The following MACROD1 variants were observed in gnomAD, a reference collection of about 807,000 sequenced individuals.
The protein encoded by MACROD1 is ADP-ribose glycohydrolase MACROD1.
In MACROD1, 31 loss-of-function variants were observed where a neutral mutation model predicts 41.4. The ratio of observed to expected loss-of-function variants is 0.75; its 90% CI spans 0.56 to 1.01. The LOEUF (loss-of-function observed/expected upper bound fraction) is 1.01, where lower values mean the gene tolerates loss of function less well. Ranked by LOEUF, MACROD1 falls within the 50% of genes least tolerant of loss-of-function variation. MACROD1 has a pLI of 0.00. For synonymous variants in MACROD1, 252 were observed against 203.4 expected (o/e 1.24, Z -2.03); for missense variants, 473 against 460.0 (o/e 1.03, Z -0.26).
At chr11:64,121,240 G>GC (rs962356143) in intron 3 of MACROD1, among the ~76,000 whole-genome samples, 1 of 152,186 alleles carries the variant, frequency 6.6e-6, no homozygotes, top group Non-Finnish European at 1.5e-5. Flanking sequence ...AGCTCCTTGG[G>GC]CCCCAGGACC....
chr11:64,032,419 CG>C (rs767503739), intron 3 of MACROD1, among the ~76,000 whole-genome samples: 28 of 152,044 alleles, frequency 1.8e-4, no homozygotes, highest in Non-Finnish European at 2.5e-4. Context: ...TGCAGGATGG[CG>C]AGCAGGACCC....
chr11:64,071,447 G>A (rs761825217), intron 3 of MACROD1, among the ~76,000 whole-genome samples: 3 of 152,184 alleles, frequency 2.0e-5, no homozygotes, highest in Non-Finnish European at 4.4e-5. Flanking sequence ...TAACTGGTAT[G>A]GCCAGGGCTG....
chr11:64,145,687 A>G (rs1334243782), intron 3 of MACROD1, among the ~76,000 whole-genome samples: 3 of 152,144 alleles, frequency 2.0e-5, no homozygotes, highest in African/African-American at 7.2e-5. Flanking sequence ...AAAGCCTTTC[A>G]TCCATCTCTG....
chr11:64,156,448 C>T (rs889265865), intron 1 of MACROD1, among the ~76,000 whole-genome samples: 6 of 152,244 alleles, frequency 3.9e-5, no homozygotes, highest in Admixed American at 3.3e-4. Context: ...GGGACCCGGA[C>T]GGACCCCAGA....
chr11:64,160,019 G>A (rs781286281), intron 1 of MACROD1, among the ~76,000 whole-genome samples: 27 of 152,134 alleles, frequency 1.8e-4, no homozygotes, highest in Non-Finnish European at 3.7e-4. Context: ...GAATTTGGCC[G>A]TCAGCTTGGA....
At chr11:64,093,799 G>T (rs1290162008) in intron 3 of MACROD1, among the ~76,000 whole-genome samples, 1 of 152,218 alleles carries the variant, frequency 6.6e-6, no homozygotes, top group Non-Finnish European at 1.5e-5. Flanking sequence ...GCCTGGCCAG[G>T]GTGGAAGGAG....
intron 3 of MACROD1, among the ~76,000 whole-genome samples, chr11:64,102,133 T>C (rs1944681277): frequency 6.6e-6 from 1 of 152,244 alleles, no homozygotes; most frequent in African/African-American, 2.4e-5. Context: ...TGAGCCCATC[T>C]GGATCTGATT....
rs374070037 is a variant in MACROD1 at position 64,161,569 on chromosome 11, G to A, written c.298+4128C>T. Among the ~76,000 whole-genome samples the A allele has an allele frequency of 2.6e-4, 39 of 152,336 alleles. No homozygotes were observed. In the East Asian group the frequency reaches 2.9e-3, roughly 11 times the overall value. ...AAGTGTAGCAGTCTTCAAGGGCCAC[G>A]GCTCAGACCCTAATCAAAGGCAGAG... is the stretch of plus-strand genomic sequence containing the variant. On this transcript the variant is annotated intron_variant, in intron 1 of 10. Coordinates refer to ENST00000255681, the MANE Select transcript of MACROD1 (RefSeq NM_014067.4).
At chr11:64,015,109 C>T in intron 4 of MACROD1, 143 bp downstream of exon 4, 1 of 877,772 alleles carries the variant, frequency 1.1e-6, no homozygotes, top group Non-Finnish European at 1.6e-6. Flanking sequence ...GTCTCCAGCT[C>T]TGGGGAAGGG....
intron 3 of MACROD1, among the ~76,000 whole-genome samples, chr11:64,130,646 C>T (rs1036743203): frequency 1.2e-4 from 18 of 152,166 alleles, no homozygotes; most frequent in African/African-American, 4.1e-4. Flanking sequence ...ATTGGCTCAT[C>T]CACTTTCAGG....
chr11:64,061,809 TC>T (rs1943909136), intron 3 of MACROD1, among the ~76,000 whole-genome samples: 1 of 151,338 alleles, frequency 6.6e-6, no homozygotes, highest in Non-Finnish European at 1.5e-5. Flanking sequence ...AAGCCATCCT[TC>T]AAGCCATCCT....
rs1942769779 is a variant in MACROD1 at position 63,999,102 on chromosome 11, TGCCCTGGTGCAGGCTTTCACCTGCCTG to T, written c.892-93_892-67del. The T allele has an allele frequency of 2.7e-6, 4 of 1,467,370 alleles. No homozygotes were observed. In the African/African-American group the frequency reaches 5.5e-5, roughly 20 times the overall value. 90.9% of individuals were successfully genotyped at this position (1,467,370 alleles called of 1,614,324 possible). A position where few individuals can be genotyped will look rare whatever the true frequency, so the allele number is the denominator to read the frequency against. ...CTGGCCCCAGGATCCTGTGACTGCC[TGCCCTGGTGCAGGCTTTCACCTGCCTG>T]GCCCTGCGCCCTTCACGGAGGCTCA... is the stretch of plus-strand genomic sequence containing the variant. On this transcript the variant is annotated intron_variant, in intron 8 of 10. Transcript: ENST00000255681.
intron 3 of MACROD1, among the ~76,000 whole-genome samples, chr11:64,043,707 GCAGAATCCCACTGAGGCTTCACAA>G (rs1474095840): frequency 6.6e-6 from 1 of 152,162 alleles, no homozygotes; most frequent in Non-Finnish European, 1.5e-5. Context: ...ACTCTACCTT[GCAGAATCCCACTGAGGCTTCACAA>G]CAGCCCCATT....
At chr11:64,024,277 T>TCG (rs1231664636) in intron 3 of MACROD1, among the ~76,000 whole-genome samples, 1 of 152,196 alleles carries the variant, frequency 6.6e-6, no homozygotes, top group Non-Finnish European at 1.5e-5. Context: ...GATGACACAT[T>TCG]TATCAAATAA....
At chr11:64,140,572 C>T (rs1356376533) in intron 3 of MACROD1, among the ~76,000 whole-genome samples, 1 of 152,218 alleles carries the variant, frequency 6.6e-6, no homozygotes, top group Non-Finnish European at 1.5e-5. Context: ...CGGGTCTCAG[C>T]AGCCCTCCCA....
intron 4 of MACROD1, among the ~76,000 whole-genome samples, chr11:64,013,582 G>A (rs1338652965): frequency 6.6e-6 from 1 of 152,244 alleles, no homozygotes; most frequent in Non-Finnish European, 1.5e-5. Context: ...CTTGGCCTAG[G>A]CCCTGAGTGA....
At position 64,142,483 on chromosome 11, in the gene MACROD1, C is replaced by T. The variant is rs565529715; in HGVS notation, c.517+8756G>A. On this transcript the variant is annotated intron_variant, in intron 3 of 10. Transcript: ENST00000255681. Reference sequence around the variant, plus strand: ...AGAACTTCAGGTAAGAAGCAGGGGACGGGGCGGAAGACCTTGGGGTGGAAG... The same window carrying T: ...AGAACTTCAGGTAAGAAGCAGGGGATGGGGCGGAAGACCTTGGGGTGGAAG... Among the ~76,000 whole-genome samples, 18 of 152,284 alleles carry T rather than the reference C, an allele frequency of 1.2e-4. No individual in the cohort carries two copies. The South Asian group carries it at 1.5e-3, about 12-fold the overall frequency.
chr11:64,106,029 T>C (rs1286625139), intron 3 of MACROD1, among the ~76,000 whole-genome samples: 1 of 152,052 alleles, frequency 6.6e-6, no homozygotes, highest in Non-Finnish European at 1.5e-5. Context: ...CCTCTGATAG[T>C]TGGAGACAGA....
At chr11:64,012,876 C>T (rs1220562298) in intron 4 of MACROD1, among the ~76,000 whole-genome samples, 1 of 151,978 alleles carries the variant, frequency 6.6e-6, no homozygotes, top group East Asian at 1.9e-4. Context: ...AACTCTGTCA[C>T]CCTGGCTGGA....
Sources: gnomAD v4.1 joint callset for allele counts (sites outside exome capture counted in the v4.1 genomes callset) on GRCh38, gnomAD v4.1.1 for gene constraint, MANE v1.5 for transcripts, NCBI Gene and HGNC (gene_info 2026-07-23, HGNC 2026-07-21) for gene names.